Variants in SMARCA2 observed in about 807,000 individuals in gnomAD.
The protein encoded by SMARCA2 is SWI/SNF-related matrix-associated actin-dependent regulator of chromatin subfamily A member 2.
Under a neutral mutation model 199.8 loss-of-function variants are expected in SMARCA2, and 61 were observed. The ratio of observed to expected loss-of-function variants is 0.31; its 90% CI spans 0.25 to 0.38. SMARCA2 has a LOEUF of 0.38. Ranked by LOEUF, SMARCA2 falls within the 10% of genes least tolerant of loss-of-function variation. SMARCA2 has a pLI of 1.00. For missense variants in SMARCA2, 1,344 were observed against 2,012.2 expected (o/e 0.67, Z 6.35); for synonymous variants, 935 against 732.0 (o/e 1.28, Z -4.48).
At position 2,191,314 on chromosome 9, in the gene SMARCA2, G is replaced by T. The variant is rs757101488; in HGVS notation, c.4643G>T (p.Gly1548Val). 11 of 1,613,954 alleles carry T rather than the reference G, an allele frequency of 6.8e-6. No individual in the cohort carries two copies. In the African/African-American group the frequency reaches 9.3e-5, roughly 14 times the overall value. ...KIKLNKKDDK[G>V]RDKGKGKKRP... The stretch of plus-strand genomic sequence containing the variant: ...AAGCTCAATAAAAAAGATGACAAAG[G>T]CCGGGACAAAGGGAAAGGCAAGAAA... Residue 1548 changes from glycine to valine, a missense_variant, in exon 33 of 34, where the codon GGC (glycine) becomes GTC (valine). By Grantham distance (109) the Gly-to-Val change is moderately radical (BLOSUM62 -3). Coordinates refer to ENST00000349721, the MANE Select transcript of SMARCA2 (RefSeq NM_003070.5).
rs1306052438 is a variant in SMARCA2 at position 2,017,893 on chromosome 9, T to G, written c.-37+2489T>G. 6.6e-6 allele frequency: 1 copy of G among 152,342 alleles called. No homozygotes were observed. The highest frequency in any genetic ancestry group is 1.5e-5 in the Non-Finnish European group (1 of 68,118). 9.4% of individuals were successfully genotyped at this position (152,342 alleles called of 1,614,324 possible). A position where few individuals can be genotyped will look rare whatever the true frequency, so the allele number is the denominator to read the frequency against. On this transcript the variant is annotated intron_variant, in intron 1 of 33. Transcript: ENST00000349721. This position sits in a 1 kb window ranked among gnomAD's most constrained non-coding sequence, Gnocchi z 8.8. ...CTCCGGTCTCCCGGCTCGCCTTTCC[T>G]GCAAAGTCAGGCAGGCGGGGGAAAT...
chr9:2,110,992 C>G lies in SMARCA2; in HGVS notation c.3456+575C>G, dbSNP rs1822967730. On this transcript the variant is annotated intron_variant, in intron 24 of 33. Transcript: ENST00000349721. The surrounding 1 kb of genome is among the most constrained non-coding windows in gnomAD (Gnocchi z 4.8). ...AATGAGCATTTATTGTTGTAAAGCT[C>G]TTTTAGCCAGGTAAGTTCAGGGCTA... Among the ~76,000 whole-genome samples, 1 of 149,734 alleles carries G rather than the reference C, an allele frequency of 6.7e-6. No homozygotes were observed. The highest frequency in any genetic ancestry group is 2.5e-5 in the African/African-American group (1 of 40,656).
Position 2,087,335 on chromosome 9 carries a change from C to T in SMARCA2, c.2769+264C>T, listed in dbSNP as rs186976083. The T allele has an allele frequency of 2.0e-3, 882 of 445,204 alleles. 7 individuals carry two copies. Among genetic ancestry groups the T allele is most frequent in the African/African-American group, 0.014 (712 of 50,820 alleles). 27.6% of individuals were successfully genotyped at this position (445,204 alleles called of 1,614,324 possible). ...CAGGCTACCAGAAAAGGGTCCCAAC[C>T]GGTGGAATGCTTAACTGCAGTGGGC... On this transcript the variant is annotated intron_variant, in intron 18 of 33. Transcript: ENST00000349721.
chr9:2,179,138 C>A (rs1826832786), intron 29 of SMARCA2, among the ~76,000 whole-genome samples: 1 of 152,018 alleles, frequency 6.6e-6, no homozygotes, highest in Non-Finnish European at 1.5e-5. Flanking sequence ...GCCTGGAGAC[C>A]TGGAATGGGT....
intron 14 of SMARCA2, among the ~76,000 whole-genome samples, chr9:2,081,005 C>T (rs1385561575): frequency 6.6e-6 from 1 of 152,124 alleles, no homozygotes; most frequent in African/African-American, 2.4e-5. Flanking sequence ...TTGCTTTGTT[C>T]TTACATAAAA....
chr9:2,133,552 T>G (rs7049062), intron 27 of SMARCA2, among the ~76,000 whole-genome samples: 4,834 of 151,950 alleles, frequency 0.032, 110 homozygotes, highest in Non-Finnish European at 0.032. Flanking sequence ...CAAAGTGTTG[T>G]GGTTACAGGA....
intron 31 of SMARCA2, among the ~76,000 whole-genome samples, chr9:2,183,144 T>C (rs1350410298): frequency 6.6e-6 from 1 of 152,226 alleles, no homozygotes; most frequent in Non-Finnish European, 1.5e-5. Context: ...TTGAAGGTAA[T>C]GCTGAAAGGC....
In SMARCA2 at chr9:2,039,234, T is replaced by G. The variant is rs1819469208; in HGVS notation, c.356-232T>G. Among the ~76,000 whole-genome samples, 1 of 133,902 alleles carries G rather than the reference T, an allele frequency of 7.5e-6. No individual in the cohort carries two copies. The allele number at this position is 133,902 out of a possible 152,430, so 87.8% of individuals were successfully genotyped here. On this transcript the variant is annotated intron_variant, in intron 3 of 33. Transcript: ENST00000349721. The surrounding 1 kb of genome is among the most constrained non-coding windows in gnomAD (Gnocchi z 4.8). ...ATACATTTAAATTAACTTTACCTGC[T>G]TTTTTTTTTTTTAACACTTTAAAGT...
Position 2,174,880 on chromosome 9 carries a change from G to A in SMARCA2, c.4253+4408G>A, listed in dbSNP as rs905215423. On this transcript the variant is annotated intron_variant, in intron 29 of 33. Coordinates refer to ENST00000349721, the MANE Select transcript of SMARCA2 (RefSeq NM_003070.5). The stretch of plus-strand genomic sequence containing the variant: ...GGCTACAGTGCAGTGAGCCCTGATC[G>A]TGCTACTGCAGTCCAGCCTGGGGGA... 2.8e-4 allele frequency among the ~76,000 whole-genome samples: 37 copies of A among 133,976 alleles called. 2 individuals carry two copies. In the Admixed American group the frequency reaches 3.0e-3, roughly 11 times the overall value. The allele number at this position is 133,976 out of a possible 152,430, so 87.9% of individuals were successfully genotyped here. A position where few individuals can be genotyped will look rare whatever the true frequency, so the allele number is the denominator to read the frequency against.
Position 2,017,775 on chromosome 9 carries a change from C to A in SMARCA2, c.-37+2371C>A, listed in dbSNP as rs374181473. 5 of 152,502 alleles carry A rather than the reference C, an allele frequency of 3.3e-5. No individual in the cohort carries two copies. In the East Asian group the frequency reaches 7.7e-4, roughly 24 times the overall value. The allele number at this position is 152,502 out of a possible 1,614,324, so 9.4% of individuals were successfully genotyped here. A position where few individuals can be genotyped will look rare whatever the true frequency, so the allele number is the denominator to read the frequency against. On this transcript the variant is annotated intron_variant, in intron 1 of 33. Coordinates refer to ENST00000349721, the MANE Select transcript of SMARCA2 (RefSeq NM_003070.5). This position sits in a 1 kb window ranked among gnomAD's most constrained non-coding sequence, Gnocchi z 8.8. ...CACCCCAAGCTCCGCGAACCCCGCG[C>A]CCCTTTTTGTTCCGCGTCCTCCAGG...
At chr9:2,158,722 A>G (rs1189401319) in intron 27 of SMARCA2, 8 of 422,706 alleles carry the variant, frequency 1.9e-5, no homozygotes, top group Non-Finnish European at 3.3e-5. Context: ...TTAGTAAATA[A>G]TTTTTTAAAA....
Position 2,150,341 on chromosome 9 carries a change from C to G in SMARCA2, c.3982-11345C>G, listed in dbSNP as rs558606903. On this transcript the variant is annotated intron_variant, in intron 27 of 33. Coordinates refer to ENST00000349721, the MANE Select transcript of SMARCA2 (RefSeq NM_003070.5). ...GAACTGACTGGCTCAGCCAATCACT[C>G]TGGCTGTGCTTGTGCAGAGACCCTC... 9.8e-4 allele frequency among the ~76,000 whole-genome samples: 148 copies of G among 151,778 alleles called. 3 individuals carry two copies. The highest frequency in any genetic ancestry group is 3.3e-3 in the African/African-American group (137 of 41,508).
intron 13 of SMARCA2, among the ~76,000 whole-genome samples, chr9:2,077,141 A>G (rs1414260967): frequency 6.6e-6 from 1 of 152,076 alleles, no homozygotes; most frequent in African/African-American, 2.4e-5. Flanking sequence ...GGCACAGAAG[A>G]TAGAAGCCTA....
chr9:2,088,084 T>G (rs2130490859), intron 18 of SMARCA2, among the ~76,000 whole-genome samples: 2 of 152,334 alleles, frequency 1.3e-5, no homozygotes, highest in Middle Eastern at 6.8e-3. Context: ...TATGTTTCTG[T>G]GTCTGAGACA....
intron 27 of SMARCA2, among the ~76,000 whole-genome samples, chr9:2,145,661 G>A (rs566158922): frequency 2.6e-5 from 4 of 152,108 alleles, no homozygotes; most frequent in African/African-American, 4.8e-5. Flanking sequence ...AAATACATTT[G>A]GACTTAGTGT....
At chr9:2,026,430 A>G (rs1480164350) in intron 1 of SMARCA2, among the ~76,000 whole-genome samples, 3 of 151,942 alleles carry the variant, frequency 2.0e-5, no homozygotes, top group Admixed American at 2.0e-4. Flanking sequence ...TTCCTTTAGC[A>G]AAAAAAACGA....
rs145170448 is a variant in SMARCA2, at chr9:2,039,784, A to C, written c.674A>C (p.Gln225Pro). The change falls in exon 4 of 34, where the codon CAG (glutamine) becomes CCG (proline). Residue 225 changes from glutamine to proline, a missense_variant. Physicochemically the swap from Gln to Pro is moderately conservative, Grantham distance 76. Around this residue, in one of 18 missense-constraint regions of SMARCA2, gnomAD observed 117 missense variants for 99.1 expected, o/e 1.18. Transcript: ENST00000349721. This position sits in a 1 kb window ranked among gnomAD's most constrained non-coding sequence, Gnocchi z 4.8. ...CAACAACAGCAGCAGCAACAGCAGC[A>C]GCAGCAGCAGCAGCAGCAGCAGCAG... is the stretch of plus-strand genomic sequence containing the variant. ...LQQQQQQQQQ[Q>P]QQQQQQQQQQ... The C allele has an allele frequency of 1.6e-4, 253 of 1,544,940 alleles. No homozygotes were observed. The highest frequency in any genetic ancestry group is 1.9e-4 in the Admixed American group (11 of 57,262).
intron 9 of SMARCA2, among the ~76,000 whole-genome samples, chr9:2,065,678 A>G (rs547081056): frequency 6.6e-6 from 1 of 152,118 alleles, no homozygotes; most frequent in South Asian, 2.1e-4. Flanking sequence ...TTTTAAATAC[A>G]AGCTACTCCC....
At chr9:2,190,175 G>A (rs1182321086) in intron 32 of SMARCA2, among the ~76,000 whole-genome samples, 1 of 152,100 alleles carries the variant, frequency 6.6e-6, no homozygotes, top group Admixed American at 6.6e-5. Flanking sequence ...TGTTTCCATT[G>A]GTATCCCCAG....
Sources: allele counts gnomAD v4.1 joint callset (sites outside exome capture counted in the v4.1 genomes callset), GRCh38; gene constraint gnomAD v4.1.1; regional missense constraint gnomAD v4.1.1; non-coding constraint Gnocchi (gnomAD v3.1); transcripts MANE v1.5; gene names NCBI Gene and HGNC (gene_info 2026-07-23, HGNC 2026-07-21).